Variants in ARHGEF33 observed in about 807,000 individuals in gnomAD.
ARHGEF33 encodes the protein Rho guanine nucleotide exchange factor 33, also known as DH and coiled-coil domain-containing protein ENSP00000381780.
In ARHGEF33, 72 loss-of-function variants were observed where a neutral mutation model predicts 101.9. That is an observed-to-expected ratio of 0.71 (90% confidence interval 0.58 to 0.86). ARHGEF33 has a LOEUF of 0.86. Among genes scored for constraint, ARHGEF33 ranks in the 40% least tolerant of loss-of-function variants. ARHGEF33 has a pLI of 0.00. For missense variants in ARHGEF33, 1,169 were observed against 1,111.3 expected (o/e 1.05, Z -0.74); for synonymous variants, 499 against 442.5 (o/e 1.13, Z -1.60).
chr2:38,919,209 T>G (rs1458734528), intron 2 of ARHGEF33, among the ~76,000 whole-genome samples, 154 bp from the exon 3 acceptor site: 2 of 152,264 alleles, frequency 1.3e-5, no homozygotes. Context: ...TTTACCTTTA[T>G]GCTAAATGTG....
chr2:38,906,669 TATAAG>T (rs1429314544), intron 2 of ARHGEF33, among the ~76,000 whole-genome samples: 1 of 151,956 alleles, frequency 6.6e-6, no homozygotes, highest in African/African-American at 2.4e-5. Flanking sequence ...AATAATCGGT[TATAAG>T]ATGAGACTCG....
intron 10 of ARHGEF33, among the ~76,000 whole-genome samples, chr2:38,949,146 G>T (rs1453089080): frequency 6.6e-6 from 1 of 151,948 alleles, no homozygotes; most frequent in African/African-American, 2.4e-5. Flanking sequence ...GAAATGAGTT[G>T]AAAAAAACCT....
Position 38,943,911 on chromosome 2 carries a change from G to A in ARHGEF33, c.801G>A (p.Gln267=), listed in dbSNP as rs960262911. The A allele has an allele frequency of 8.4e-6, 13 of 1,551,566 alleles. No homozygotes were observed. The highest frequency in any genetic ancestry group is 2.0e-5 in the Admixed American group (1 of 50,908). Residue 267 remains glutamine (Q), a synonymous_variant, in exon 10 of 18, where the codon CAG becomes CAA. Coordinates refer to ENST00000409978, the MANE Select transcript of ARHGEF33 (RefSeq NM_001145451.5). Reference sequence around the variant, plus strand: ...GGTTTGTTTCTAAAGCTAAAAGACAGACTGTGGCCCTGGAACTGCTTGAAT... The same window carrying A: ...GGTTTGTTTCTAAAGCTAAAAGACAAACTGTGGCCCTGGAACTGCTTGAAT... ...LCETSLAAKR[Q]TVALELLESE...
Position 38,960,422 on chromosome 2 carries a change from G to A in ARHGEF33, c.2117G>A (p.Ser706Asn). Residue 706 changes from serine (S) to asparagine (N), a missense_variant, in exon 16 of 18, where the codon AGC becomes AAC. Physicochemically the swap from Ser to Asn is conservative, Grantham distance 46. Transcript: ENST00000409978. ...AQAHGKAKPLSRSLKEFPRAP... is the reference protein window; with the variant it reads ...AQAHGKAKPLNRSLKEFPRAP... ...GCGCACGGCAAGGCCAAGCCGCTGAGCCGCTCTCTCAAAGAGTTCCCGCGT... is the reference window on the plus strand; with the variant it reads ...GCGCACGGCAAGGCCAAGCCGCTGAACCGCTCTCTCAAAGAGTTCCCGCGT... 1 of 1,515,610 alleles carries A rather than the reference G, an allele frequency of 6.6e-7. No homozygotes were observed. Among genetic ancestry groups the A allele is most frequent in the Non-Finnish European group, 8.8e-7 (1 of 1,138,250 alleles). The allele number at this position is 1,515,610 out of a possible 1,614,324, so 93.9% of individuals were successfully genotyped here.
intron 4 of ARHGEF33, among the ~76,000 whole-genome samples, chr2:38,924,112 C>A (rs1313487029): frequency 2.0e-5 from 3 of 151,882 alleles, no homozygotes; most frequent in African/African-American, 7.3e-5. Flanking sequence ...ACTTCTAAAA[C>A]CCTAGTAGAA....
At chr2:38,931,987 T>C (rs1667015072) in intron 7 of ARHGEF33, among the ~76,000 whole-genome samples, 1 of 152,220 alleles carries the variant, frequency 6.6e-6, no homozygotes, top group East Asian at 1.9e-4. Flanking sequence ...TGGTTTTCTA[T>C]GCTTAAGATG....
intron 4 of ARHGEF33, among the ~76,000 whole-genome samples, chr2:38,925,250 G>A (rs1666845925): frequency 6.6e-6 from 1 of 152,148 alleles, no homozygotes; most frequent in Non-Finnish European, 1.5e-5. Context: ...ATTTTTCTCT[G>A]TAATGAAAAT....
rs1001052179 is a variant in ARHGEF33 at position 38,973,926 on chromosome 2, C to A, written c.*83C>A. ...TCTGTGTAGGAATATATATATATAT[C>A]TATATCTATATATATATATATATCG... On this transcript the variant is annotated 3_prime_UTR_variant, in exon 18 of 18. Coordinates refer to ENST00000409978, the MANE Select transcript of ARHGEF33 (RefSeq NM_001145451.5). 40 of 705,198 alleles carry A rather than the reference C, an allele frequency of 5.7e-5. No homozygotes were observed. The highest frequency in any genetic ancestry group is 2.9e-4 in the African/African-American group (15 of 51,738). The allele number at this position is 705,198 out of a possible 1,614,324, so 43.7% of individuals were successfully genotyped here.
intron 4 of ARHGEF33, among the ~76,000 whole-genome samples, chr2:38,926,858 G>A (rs1350854144): frequency 6.6e-6 from 1 of 152,036 alleles, no homozygotes; most frequent in African/African-American, 2.4e-5. Context: ...TCACTAAGAA[G>A]AATGTCAGCT....
rs2124423700 is a variant in ARHGEF33, at chr2:38,960,370, G to A, written c.2065G>A (p.Ala689Thr). ...SATSPAGSSSAYKLEAAAQAH... is the reference protein window; with the variant it reads ...SATSPAGSSSTYKLEAAAQAH... ...TACGTCGCCGGCGGGCAGCAGCAGC[G>A]CCTACAAACTGGAGGCGGCGGCGCA... is the stretch of plus-strand genomic sequence containing the variant. The change falls in exon 16 of 18, where the codon GCC becomes ACC. Residue 689 changes from alanine to threonine, a missense_variant. By Grantham distance (58) the Ala-to-Thr change is moderately conservative. Transcript: ENST00000409978. 3.3e-6 allele frequency: 5 copies of A among 1,524,934 alleles called. No homozygotes were observed. The highest frequency in any genetic ancestry group is 4.4e-6 in the Non-Finnish European group (5 of 1,140,786). The allele number at this position is 1,524,934 out of a possible 1,614,324, so 94.5% of individuals were successfully genotyped here.
intron 16 of ARHGEF33, among the ~76,000 whole-genome samples, chr2:38,962,849 C>CAAAAAAA (rs386389985): frequency 7.1e-5 from 4 of 56,086 alleles, no homozygotes; most frequent in African/African-American, 1.7e-4. Context: ...CCCGTCTCTA[C>CAAAAAAA]AAAAAAAAAA....
chr2:38,961,037 C>T (rs1451231409), intron 16 of ARHGEF33, among the ~76,000 whole-genome samples: 4 of 152,008 alleles, frequency 2.6e-5, no homozygotes, highest in Non-Finnish European at 5.9e-5. Flanking sequence ...TTTCAGAGCC[C>T]CGCACGCAGG....
chr2:38,953,967 C>T (rs1277727986), intron 12 of ARHGEF33, among the ~76,000 whole-genome samples: 3 of 152,230 alleles, frequency 2.0e-5, no homozygotes, highest in African/African-American at 7.2e-5. Context: ...TCTAATGACA[C>T]TCCCTTTTCC....
At chr2:38,916,661 A>G (rs1455059977) in intron 2 of ARHGEF33, among the ~76,000 whole-genome samples, 2 of 152,130 alleles carry the variant, frequency 1.3e-5, no homozygotes, top group African/African-American at 4.8e-5. Flanking sequence ...ATTTATAACC[A>G]TGTAGCTATT....
chr2:38,970,494 T>C (rs1408118686), intron 17 of ARHGEF33, among the ~76,000 whole-genome samples: 1 of 152,242 alleles, frequency 6.6e-6, no homozygotes. Flanking sequence ...TTCCATTTCA[T>C]TTCCTATATA....
At chr2:38,962,743 G>A (rs1053227311) in intron 16 of ARHGEF33, among the ~76,000 whole-genome samples, 1 of 150,416 alleles carries the variant, frequency 6.6e-6, no homozygotes, top group African/African-American at 2.4e-5. Flanking sequence ...GGCCGGGTGC[G>A]GTGGCTCACG....
chr2:38,957,824 A>C, intron 14 of ARHGEF33: 1 of 553,916 alleles, frequency 1.8e-6, no homozygotes, highest in Non-Finnish European at 3.2e-6. Context: ...CCTTCCCCCA[A>C]GCTCTTTTCA....
chr2:38,907,210 T>G (rs1225587342), intron 2 of ARHGEF33, among the ~76,000 whole-genome samples: 4 of 152,192 alleles, frequency 2.6e-5, no homozygotes, highest in Non-Finnish European at 5.9e-5. Flanking sequence ...CTGTCAAGTA[T>G]GCACGGGCTG....
chr2:38,946,503 G>C (rs761813496), intron 10 of ARHGEF33, among the ~76,000 whole-genome samples: 2 of 152,102 alleles, frequency 1.3e-5, no homozygotes, highest in African/African-American at 2.4e-5. Flanking sequence ...TGAATATGAA[G>C]TCTCTGGTTC....
Sources: allele counts gnomAD v4.1 joint callset (sites outside exome capture counted in the v4.1 genomes callset), GRCh38; gene constraint gnomAD v4.1.1; transcripts MANE v1.5; gene names NCBI Gene and HGNC (gene_info 2026-07-23, HGNC 2026-07-21).